The following CHI3L2 variants were observed in gnomAD, a reference collection of about 807,000 sequenced individuals.
CHI3L2 encodes the protein chitinase-3-like protein 2.
CHI3L2 carries 47 observed loss-of-function variants against 47.3 expected under a neutral mutation model. The observed-to-expected ratio is 0.99, with a 90% CI of 0.79 to 1.27. The LOEUF is 1.27. CHI3L2 is among the 50% of genes most tolerant of loss of function. The pLI is 0.00. For missense variants in CHI3L2, 497 were observed against 462.1 expected (o/e 1.08, Z -0.69); for synonymous variants, 198 against 169.9 (o/e 1.17, Z -1.28).
rs1321198196 is a variant in CHI3L2 at position 111,231,120 on chromosome 1, T to C, written c.273-118T>C. The C allele has an allele frequency of 4.9e-6, 5 of 1,017,216 alleles. No homozygotes were observed. The Admixed American group carries it at 6.5e-5, about 13-fold the overall frequency. The allele number at this position is 1,017,216 out of a possible 1,614,324, so 63.0% of individuals were successfully genotyped here. On this transcript the variant is annotated intron_variant, in intron 3 of 10. Coordinates refer to ENST00000369748, the MANE Select transcript of CHI3L2 (RefSeq NM_004000.3). The stretch of plus-strand genomic sequence containing the variant: ...TTCATCCCTTCACTGAACTTCACTT[T>C]AGTTCAAACAGCCAGGCCCTAATTG...
chr1:111,239,000 A>G, intron 8 of CHI3L2, 68 bp downstream of exon 8: 1 of 1,442,044 alleles, frequency 6.9e-7, no homozygotes, highest in Non-Finnish European at 9.3e-7. Context: ...CTTCAATTTG[A>G]CAGCAGAGTA....
At chr1:111,241,464 TA>T (rs1325397358) in intron 9 of CHI3L2, 21 bp downstream of exon 9, 1 of 1,215,306 alleles carries the variant, frequency 8.2e-7, no homozygotes, top group Admixed American at 1.7e-5. Context: ...CACAGGCAGA[TA>T]CTCCTTTAGG....
At chr1:111,234,568 A>T (rs1278874016) in intron 4 of CHI3L2, among the ~76,000 whole-genome samples, 1 of 152,212 alleles carries the variant, frequency 6.6e-6, no homozygotes, top group Non-Finnish European at 1.5e-5. Flanking sequence ...CGGACACTGC[A>T]AAGACAGACA....
At chr1:111,239,797 A>G (rs998472305) in intron 8 of CHI3L2, among the ~76,000 whole-genome samples, 3 of 152,254 alleles carry the variant, frequency 2.0e-5, no homozygotes, top group Non-Finnish European at 4.4e-5. Flanking sequence ...CAATAGGTCA[A>G]CCAACAGAAA....
intron 10 of CHI3L2, 62 bp from the exon 11 acceptor site, chr1:111,243,155 A>G (rs1660112049): frequency 6.6e-6 from 3 of 455,906 alleles, no homozygotes; most frequent in Non-Finnish European, 1.3e-5. Context: ...ATTGTTTAGT[A>G]ACTTGACTTA....
At position 111,230,829 on chromosome 1, in the gene CHI3L2, C is replaced by T. The variant is rs1276024021; in HGVS notation, c.158C>T (p.Pro53Leu). 2 of 1,614,082 alleles carry T rather than the reference C, an allele frequency of 1.2e-6. No individual in the cohort carries two copies. The highest frequency in any genetic ancestry group is 4.5e-5 in the East Asian group (2 of 44,886). Residue 53 changes from proline (P) to leucine (L), a missense_variant, in exon 3 of 11, where the codon CCC (proline) becomes CTC (leucine). By Grantham distance (98) the Pro-to-Leu change is moderately conservative (BLOSUM62 -3). Coordinates refer to ENST00000369748, the MANE Select transcript of CHI3L2 (RefSeq NM_004000.3). ...AAATTCACCCCTGAGAATATTGACC[C>T]CTTCCTATGCTCTCATCTCATCTAT... ...PGKFTPENIDPFLCSHLIYSF... is the reference protein window; with the variant it reads ...PGKFTPENIDLFLCSHLIYSF...
chr1:111,236,452 A>G (rs1263033385), intron 7 of CHI3L2, among the ~76,000 whole-genome samples: 2 of 151,704 alleles, frequency 1.3e-5, no homozygotes, highest in Non-Finnish European at 2.9e-5. Context: ...ATTTCTTGGC[A>G]TCTACACAGG....
At chr1:111,229,506 C>T (rs796653215) in intron 1 of CHI3L2, among the ~76,000 whole-genome samples, 4 of 150,420 alleles carry the variant, frequency 2.7e-5, no homozygotes, top group African/African-American at 7.3e-5. Flanking sequence ...AACGGTGAAA[C>T]CCCGTCTCTA....
intron 7 of CHI3L2, 31 bp downstream of exon 7, chr1:111,236,184 T>C: frequency 1.2e-6 from 2 of 1,611,986 alleles, no homozygotes; most frequent in African/African-American, 1.3e-5. Context: ...GCAGGGGTAC[T>C]GGCTGTGGGG....
intron 8 of CHI3L2, among the ~76,000 whole-genome samples, chr1:111,240,558 T>C (rs928465339): frequency 6.6e-6 from 1 of 152,232 alleles, no homozygotes; most frequent in Non-Finnish European, 1.5e-5. Context: ...GATTGTTCAG[T>C]TCATAATGAC....
chr1:111,239,185 C>T (rs976097606), intron 8 of CHI3L2: 42 of 375,358 alleles, frequency 1.1e-4, no homozygotes, highest in South Asian at 4.1e-4. Context: ...GAGGAGAGTG[C>T]GAGAAATTGA....
chr1:111,241,544 C>T (rs1660058872), intron 9 of CHI3L2, 101 bp downstream of exon 9: 4 of 685,166 alleles, frequency 5.8e-6, no homozygotes, highest in Non-Finnish European at 1.0e-5. Flanking sequence ...TCTGAGGCCC[C>T]AGACTCTAGG....
At chr1:111,228,025 C>T (rs1453651959) in intron 1 of CHI3L2, among the ~76,000 whole-genome samples, 2 of 152,160 alleles carry the variant, frequency 1.3e-5, no homozygotes, top group Non-Finnish European at 2.9e-5. Context: ...TTCTTGTCCA[C>T]ATTAGAACTG....
chr1:111,229,790 T>C (rs926474363), intron 1 of CHI3L2, 62 bp from the exon 2 acceptor site: 32 of 1,608,506 alleles, frequency 2.0e-5, no homozygotes, highest in Admixed American at 3.4e-5. Context: ...TCACTGCCAT[T>C]ATCTGGGACA....
chr1:111,231,198 C>A, intron 3 of CHI3L2, 40 bp from the exon 4 acceptor site: 1 of 1,514,242 alleles, frequency 6.6e-7, no homozygotes, highest in Non-Finnish European at 9.2e-7. Flanking sequence ...GCTTCCCTGG[C>A]AGCCAGAAAA....
chr1:111,241,894 A>G (rs5003372), intron 9 of CHI3L2, among the ~76,000 whole-genome samples: 37,835 of 152,024 alleles, frequency 0.25, 5,542 homozygotes, highest in Non-Finnish European at 0.34. Flanking sequence ...TCATGGTTAG[A>G]ACAAAAAGGA....
chr1:111,238,637 A>T, intron 7 of CHI3L2, 113 bp from the exon 8 acceptor site: 1 of 1,085,110 alleles, frequency 9.2e-7, no homozygotes. Flanking sequence ...TCACACTCGG[A>T]TGTAGAAAAG....
At chr1:111,237,835 C>T (rs1659928727) in intron 7 of CHI3L2, among the ~76,000 whole-genome samples, 1 of 152,194 alleles carries the variant, frequency 6.6e-6, no homozygotes, top group African/African-American at 2.4e-5. Flanking sequence ...AGACATGCCT[C>T]ACAGCTGACC....
Position 111,231,300 on chromosome 1 carries a change from A to T in CHI3L2, c.329+6A>T, listed in dbSNP as rs765428649. 6.3e-7 allele frequency: 1 copy of T among 1,594,372 alleles called. No individual in the cohort carries two copies. The highest frequency in any genetic ancestry group is 2.2e-5 in the East Asian group (1 of 44,766). ...TACCTGTTTGGTTCCAAAGGGTAAG[A>T]CTACATCTTTATTTTTTGTTCATTT... On this transcript the variant is annotated splice_donor_region_variant and intron_variant, in intron 4 of 10. Coordinates refer to ENST00000369748, the MANE Select transcript of CHI3L2 (RefSeq NM_004000.3).
Sources: allele counts gnomAD v4.1 joint callset (sites outside exome capture counted in the v4.1 genomes callset), GRCh38; gene constraint gnomAD v4.1.1; transcripts MANE v1.5; gene names NCBI Gene and HGNC (gene_info 2026-07-23, HGNC 2026-07-21).